ACTA2: variants seen among roughly 807,000 people sequenced by gnomAD.
ACTA2 encodes the protein actin, aortic smooth muscle.
ACTA2 carries 12 observed loss-of-function variants against 39.5 expected under a neutral mutation model. That is an observed-to-expected ratio of 0.30 (90% CI 0.19 to 0.49). ACTA2 has a LOEUF of 0.49. ACTA2 is among the 20% of genes least tolerant of loss of function. ACTA2 has a pLI of 0.99. For synonymous variants in ACTA2, 158 were observed against 180.6 expected (o/e 0.88, Z 1.00); for missense variants, 236 against 498.8 (o/e 0.47, Z 5.02).
chr10:88,952,538 C>A (rs1846068578), intron 1 of ACTA2, among the ~76,000 whole-genome samples, 193 bp downstream of exon 1: 1 of 152,190 alleles, frequency 6.6e-6, no homozygotes, highest in African/African-American at 2.4e-5. Flanking sequence ...TCATACCAAA[C>A]TACATATTAG....
chr10:88,951,060 G>A (rs1239677176), intron 1 of ACTA2, among the ~76,000 whole-genome samples: 1 of 152,130 alleles, frequency 6.6e-6, no homozygotes, highest in Non-Finnish European at 1.5e-5. Context: ...ACTCATGAAT[G>A]GCTTGCCCTT....
chr10:88,954,403 C>A (rs1214548373), upstream of ACTA2, among the ~76,000 whole-genome samples: 1 of 152,166 alleles, frequency 6.6e-6, no homozygotes, highest in South Asian at 2.1e-4. Context: ...AAAATCTACA[C>A]AGTACAACAT....
At chr10:88,964,261 A>G (rs1846284144) in intron 1 of ACTA2, among the ~76,000 whole-genome samples, 1 of 152,182 alleles carries the variant, frequency 6.6e-6, no homozygotes, top group Admixed American at 6.6e-5. Context: ...AAGCGAACAG[A>G]AGTTTATTAA....
intron 1 of ACTA2, among the ~76,000 whole-genome samples, chr10:88,963,675 A>G (rs576068255): frequency 1.5e-4 from 23 of 152,284 alleles, no homozygotes; most frequent in African/African-American, 4.8e-4. Context: ...TTTTGTCTGC[A>G]GCCAAATGCC....
chr10:88,969,836 G>T (rs1846392427), intron 1 of ACTA2, among the ~76,000 whole-genome samples: 1 of 152,174 alleles, frequency 6.6e-6, no homozygotes. Flanking sequence ...TCATATCCCA[G>T]TATCTAGCAC....
chr10:88,990,990 G>C lies in ACTA2; in HGVS notation c.-75C>G. On this transcript the variant is annotated 5_prime_UTR_variant, in exon 1 of 5. Coordinates refer to the ACTA2 transcript ENST00000415557. This position sits in a 1 kb window ranked among gnomAD's most constrained non-coding sequence, Gnocchi z 4.9. Reference sequence around the variant, plus strand: ...AGTGGGGCGGGCGCGGGACGCGTGCGGGATTGCGGCGGCAGCGGCGCACGC... The same window carrying C: ...AGTGGGGCGGGCGCGGGACGCGTGCCGGATTGCGGCGGCAGCGGCGCACGC... 2 of 1,596,086 alleles carry C rather than the reference G, an allele frequency of 1.3e-6. No individual in the cohort carries two copies. The highest frequency in any genetic ancestry group is 1.7e-6 in the Non-Finnish European group (2 of 1,165,530).
chr10:88,958,195 A>C lies in ACTA2; in HGVS notation c.-23-9242T>G, dbSNP rs903167453. ...CTATAATATGTTTGAAGGCAGACTA[A>C]ATTGATTTCGTCTTTGCATTCCTAG... On this transcript the variant is annotated intron_variant, in intron 1 of 4. Transcript: ENST00000415557. Among the ~76,000 whole-genome samples the C allele has an allele frequency of 9.8e-5, 15 of 152,334 alleles. No homozygotes were observed. The East Asian group carries it at 2.9e-3, about 29-fold the overall frequency.
In ACTA2 at chr10:88,990,720, A is replaced by G. The variant is rs1438910500; in HGVS notation, c.-24+219T>C. On this transcript the variant is annotated intron_variant, in intron 1 of 4. Coordinates refer to the ACTA2 transcript ENST00000415557. This position sits in a 1 kb window ranked among gnomAD's most constrained non-coding sequence, Gnocchi z 4.9. ...GAGTGAGGGAAGCGGTTTACGAGTG[A>G]CTTGGCTGGAGCCTCAGGGGCGGGC... 4.8e-6 allele frequency: 4 copies of G among 826,822 alleles called. No individual in the cohort carries two copies. The highest frequency in any genetic ancestry group is 2.0e-6 in the Non-Finnish European group (1 of 488,920). 51.2% of individuals were successfully genotyped at this position (826,822 alleles called of 1,614,324 possible).
At chr10:88,963,356 C>A (rs191081306) in intron 1 of ACTA2, among the ~76,000 whole-genome samples, 1 of 151,864 alleles carries the variant, frequency 6.6e-6, no homozygotes, top group Non-Finnish European at 1.5e-5. Flanking sequence ...ACCATGTCCC[C>A]AAGTATAGTA....
intron 8 of ACTA2, 85 bp from the exon 9 acceptor site, chr10:88,935,451 A>C: frequency 1.3e-6 from 2 of 1,487,990 alleles, no homozygotes; most frequent in Non-Finnish European, 1.9e-6. Flanking sequence ...TGGATGTTCT[A>C]CCATGGCCTA....
At chr10:88,943,716 T>C (rs745476463) in intron 4 of ACTA2, 81 bp downstream of exon 4, 12 of 1,214,010 alleles carry the variant, frequency 9.9e-6, no homozygotes, top group South Asian at 3.6e-5. Context: ...TCCGGCCTTC[T>C]CTCTGCTGTG....
rs567555374 is a variant in ACTA2 at position 88,948,793 on chromosome 10, T to G, written c.129+9A>C. 10 of 1,613,790 alleles carry G rather than the reference T, an allele frequency of 6.2e-6. No homozygotes were observed. The South Asian group carries it at 9.9e-5, about 16-fold the overall frequency. On this transcript the variant is annotated intron_variant, in intron 2 of 8. Coordinates refer to ENST00000224784, the MANE Select transcript of ACTA2 (RefSeq NM_001613.4). ...TGTCCTGTTATGTTCCAATCATAAT[T>G]TTCCTCACCTGATGTCTGGGACGTC...
At chr10:88,986,568 C>A (rs555324066) in intron 1 of ACTA2, among the ~76,000 whole-genome samples, 1 of 152,006 alleles carries the variant, frequency 6.6e-6, no homozygotes, top group Non-Finnish European at 1.5e-5. Flanking sequence ...AGTTTTCCAG[C>A]CCTGGTCAGT....
At chr10:88,986,459 G>T (rs1846887212) in intron 1 of ACTA2, among the ~76,000 whole-genome samples, 1 of 152,012 alleles carries the variant, frequency 6.6e-6, no homozygotes, top group South Asian at 2.1e-4. Flanking sequence ...TTAATGCATT[G>T]TCTTTTTCAG....
At chr10:88,959,656 T>C (rs1460688005) in intron 1 of ACTA2, among the ~76,000 whole-genome samples, 2 of 152,234 alleles carry the variant, frequency 1.3e-5, no homozygotes, top group Non-Finnish European at 2.9e-5. Context: ...ACATTTTCCA[T>C]AATTAATGAA....
upstream of ACTA2, among the ~76,000 whole-genome samples, chr10:88,953,772 C>T (rs1016364504): frequency 2.0e-5 from 3 of 152,102 alleles, no homozygotes; most frequent in African/African-American, 7.2e-5. Flanking sequence ...TGAGTTCTCA[C>T]GATATCTGAT....
intron 2 of ACTA2, 80 bp downstream of exon 2, chr10:88,948,722 G>A: frequency 1.3e-6 from 2 of 1,593,556 alleles, no homozygotes; most frequent in Middle Eastern, 1.7e-4. Flanking sequence ...GGCAGAAAGA[G>A]ATAGACAATC....
intron 1 of ACTA2, chr10:88,973,426 C>T (rs990507518): frequency 8.5e-7 from 1 of 1,179,200 alleles, no homozygotes; most frequent in African/African-American, 1.6e-5. Context: ...TTCTTGTTAG[C>T]CATTATCTCT....
At chr10:88,982,792 T>C (rs1205814360) in intron 1 of ACTA2, among the ~76,000 whole-genome samples, 2 of 152,356 alleles carry the variant, frequency 1.3e-5, no homozygotes, top group East Asian at 3.9e-4. Context: ...ATGTTTATAA[T>C]GAGATTACTG....
Sources: allele counts gnomAD v4.1 joint callset (sites outside exome capture counted in the v4.1 genomes callset), GRCh38; gene constraint gnomAD v4.1.1; non-coding constraint Gnocchi (gnomAD v3.1); transcripts MANE v1.5; gene names NCBI Gene and HGNC (gene_info 2026-07-23, HGNC 2026-07-21).